GXYLT1: variants seen among roughly 807,000 people sequenced by gnomAD.
GXYLT1 encodes the protein glycosyltransferase 8 domain containing 3.
A neutral mutation model predicts 54.0 loss-of-function variants in GXYLT1; 29 were observed. That is an observed-to-expected ratio of 0.54 (90% CI 0.40 to 0.73). The LOEUF is 0.73. GXYLT1 is among the 30% of genes least tolerant of loss of function. The pLI is 0.00. For synonymous variants in GXYLT1, 176 were observed against 204.1 expected, an observed-to-expected ratio of 0.86 and a Z score of 1.17; for missense variants, 490 against 553.4, an observed-to-expected ratio of 0.89 and a Z score of 1.15.
intron 7 of GXYLT1, among the ~76,000 whole-genome samples, chr12:42,089,935 T>C (rs565379355): frequency 1.3e-5 from 2 of 152,352 alleles, no homozygotes; most frequent in African/African-American, 2.4e-5. Context: ...CAGAAAATTA[T>C]GGGAAGCCCA....
chr12:42,101,978 C>T (rs972765243), intron 5 of GXYLT1, among the ~76,000 whole-genome samples: 4 of 152,178 alleles, frequency 2.6e-5, no homozygotes, highest in African/African-American at 4.8e-5. Flanking sequence ...GGAGACCTGT[C>T]TTTTCATTCT....
chr12:42,083,284 G>A lies in GXYLT1; in HGVS notation c.*4502C>T, dbSNP rs2065263929. On this transcript the variant is annotated 3_prime_UTR_variant, in exon 8 of 8. Transcript: ENST00000398675. The stretch of plus-strand genomic sequence containing the variant: ...TTTAATGAATTAAGAAACAACATCA[G>A]AACAGTTTAGCCAGATTTTAATAGG... 6.6e-6 allele frequency: 1 copy of A among 151,864 alleles called. No homozygotes were observed. Among genetic ancestry groups the A allele is most frequent in the African/African-American group, 2.4e-5 (1 of 41,346 alleles). The allele number at this position is 151,864 out of a possible 1,614,324, so 9.4% of individuals were successfully genotyped here.
chr12:42,090,227 A>G (rs976627897), intron 7 of GXYLT1, among the ~76,000 whole-genome samples: 1 of 152,260 alleles, frequency 6.6e-6, no homozygotes, highest in Non-Finnish European at 1.5e-5. Flanking sequence ...GGAAGAAGAT[A>G]AATTTCCAAA....
In GXYLT1 at chr12:42,109,552, G is replaced by A. The variant is rs1249338945; in HGVS notation, c.612+14C>T. 3.4e-6 allele frequency: 5 copies of A among 1,467,806 alleles called. No individual in the cohort carries two copies. Among genetic ancestry groups the A allele is most frequent in the South Asian group, 1.5e-5 (1 of 67,710 alleles). The allele number at this position is 1,467,806 out of a possible 1,614,324, so 90.9% of individuals were successfully genotyped here. A position where few individuals can be genotyped will look rare whatever the true frequency, so the allele number is the denominator to read the frequency against. ...AAAAAAAAAAAAAAAAAGACACTAGGGGAAAAAACTTACCGGCAAGAACAA... is the reference window on the plus strand; with the variant it reads ...AAAAAAAAAAAAAAAAAGACACTAGAGGAAAAAACTTACCGGCAAGAACAA... On this transcript the variant is annotated intron_variant, in intron 4 of 7. Coordinates refer to ENST00000398675, the MANE Select transcript of GXYLT1 (RefSeq NM_173601.2).
chr12:42,122,008 A>T (rs1386183450), intron 2 of GXYLT1, among the ~76,000 whole-genome samples: 1 of 152,196 alleles, frequency 6.6e-6, no homozygotes. Context: ...GTTACAGGGA[A>T]GCAGTCATTC....
intron 4 of GXYLT1, among the ~76,000 whole-genome samples, chr12:42,107,852 C>T (rs529454072): frequency 1.3e-5 from 2 of 152,274 alleles, no homozygotes; most frequent in African/African-American, 4.8e-5. Flanking sequence ...GAAGAAGCTA[C>T]ATAAAGCTTC....
At chr12:42,144,299 G>A in intron 1 of GXYLT1, 127 bp downstream of exon 1, 3 of 512,450 alleles carry the variant, frequency 5.9e-6, no homozygotes, top group Non-Finnish European at 9.1e-6. Context: ...GGAAATGAGT[G>A]AGGGGTCAGA....
chr12:42,135,062 T>G (rs1164231568), intron 1 of GXYLT1, among the ~76,000 whole-genome samples: 1 of 152,246 alleles, frequency 6.6e-6, no homozygotes, highest in African/African-American at 2.4e-5. Flanking sequence ...CATATATCCC[T>G]GCATCATTTA....
chr12:42,120,606 C>CT (rs2065525028), intron 2 of GXYLT1, among the ~76,000 whole-genome samples: 1 of 152,190 alleles, frequency 6.6e-6, no homozygotes, highest in Non-Finnish European at 1.5e-5. Context: ...TCATAGCTCA[C>CT]TGCAGCCTCA....
intron 3 of GXYLT1, among the ~76,000 whole-genome samples, chr12:42,114,301 G>A (rs191071945): frequency 2.5e-3 from 385 of 152,252 alleles, no homozygotes; most frequent in Non-Finnish European, 5.1e-3. Flanking sequence ...GAAGGAAACA[G>A]AGACACAAAA....
intron 3 of GXYLT1, among the ~76,000 whole-genome samples, chr12:42,110,664 C>T (rs1205351092): frequency 6.6e-6 from 1 of 152,188 alleles, no homozygotes; most frequent in African/African-American, 2.4e-5. Context: ...ATCCTCCCAC[C>T]TCAGGCCTCC....
chr12:42,144,465 C>T lies in GXYLT1; in HGVS notation c.182G>A (p.Gly61Asp). ...GGGRGAVRGA[G>D]VAGPAAHPGV... ...GGGATGCGCTGCGGGGCCCGCGACG[C>T]CGGCGCCTCTCACGGCGCCGCGTCC... Residue 61 changes from glycine (G) to aspartate (D), a missense_variant, in exon 1 of 8, where the codon GGC becomes GAC. Around this residue, in one of 2 missense-constraint regions of GXYLT1, gnomAD observed 148 missense variants for 210.7 expected, o/e 0.70. Coordinates refer to ENST00000398675, the MANE Select transcript of GXYLT1 (RefSeq NM_173601.2). 7.8e-7 allele frequency: 1 copy of T among 1,286,116 alleles called. No homozygotes were observed. The highest frequency in any genetic ancestry group is 9.9e-7 in the Non-Finnish European group (1 of 1,014,772). The allele number at this position is 1,286,116 out of a possible 1,614,324, so 79.7% of individuals were successfully genotyped here.
chr12:42,118,886 C>A, intron 3 of GXYLT1, 114 bp downstream of exon 3: 1 of 755,528 alleles, frequency 1.3e-6, no homozygotes, highest in Non-Finnish European at 2.0e-6. Context: ...TATAAATTAC[C>A]AAGTCTCAGG....
chr12:42,090,512 C>A (rs1229335693), intron 7 of GXYLT1, among the ~76,000 whole-genome samples: 4 of 152,152 alleles, frequency 2.6e-5, no homozygotes, highest in African/African-American at 9.7e-5. Context: ...TTAATCGTTC[C>A]CTCTTTTCAG....
In GXYLT1 at chr12:42,117,814, A is replaced by G. The variant is rs369541479; in HGVS notation, c.486+1186T>C. 2.6e-5 allele frequency among the ~76,000 whole-genome samples: 4 copies of G among 152,326 alleles called. No individual in the cohort carries two copies. In the East Asian group the frequency reaches 7.7e-4, roughly 29 times the overall value. On this transcript the variant is annotated intron_variant, in intron 3 of 7. Coordinates refer to ENST00000398675, the MANE Select transcript of GXYLT1 (RefSeq NM_173601.2). ...TTAAGGAACTTACAAGGCTGACCTG[A>G]TTAAAGAGTATATATTCCACTGTAA... is the stretch of plus-strand genomic sequence containing the variant.
intron 7 of GXYLT1, among the ~76,000 whole-genome samples, chr12:42,094,503 A>T (rs959243883): frequency 6.6e-6 from 1 of 151,898 alleles, no homozygotes; most frequent in Non-Finnish European, 1.5e-5. Context: ...CATAAAAAAT[A>T]CATATGTTAG....
intron 6 of GXYLT1, 100 bp from the exon 7 acceptor site, chr12:42,097,714 A>C: frequency 1.7e-6 from 2 of 1,180,160 alleles, no homozygotes; most frequent in Non-Finnish European, 2.4e-6. Context: ...TCTTACAAGT[A>C]AGAATTAATG....
At position 42,083,217 on chromosome 12, in the gene GXYLT1, TTC is replaced by T; in HGVS notation, c.*4567_*4568del. ...AAATTTTCTGGTACCATTTTTAGAC[TTC>T]TGTCTTTATATAATTTAGTTTGTAA... On this transcript the variant is annotated 3_prime_UTR_variant, in exon 8 of 8. Transcript: ENST00000398675. 1 of 152,316 alleles carries T rather than the reference TTC, an allele frequency of 6.6e-6. No homozygotes were observed. Among genetic ancestry groups the T allele is most frequent in the East Asian group, 1.9e-4 (1 of 5,188 alleles). The allele number at this position is 152,316 out of a possible 1,614,324, so 9.4% of individuals were successfully genotyped here. A position where few individuals can be genotyped will look rare whatever the true frequency, so the allele number is the denominator to read the frequency against.
chr12:42,135,921 G>C (rs2065617131), intron 1 of GXYLT1, among the ~76,000 whole-genome samples: 1 of 152,140 alleles, frequency 6.6e-6, no homozygotes, highest in Non-Finnish European at 1.5e-5. Flanking sequence ...TAAATTTATT[G>C]ATCATAATTC....
Sources: gnomAD v4.1 joint callset for allele counts (sites outside exome capture counted in the v4.1 genomes callset) on GRCh38, gnomAD v4.1.1 for gene constraint, gnomAD v4.1.1 regional missense constraint, MANE v1.5 for transcripts, NCBI Gene and HGNC (gene_info 2026-07-23, HGNC 2026-07-21) for gene names.